NDUFB9: variants seen among roughly 807,000 people sequenced by gnomAD.
NDUFB9 encodes NADH dehydrogenase [ubiquinone] 1 beta subcomplex subunit 9.
A neutral mutation model predicts 30.2 loss-of-function variants in NDUFB9; 24 were observed. That is an observed-to-expected ratio of 0.80 (90% CI 0.58 to 1.12). The LOEUF (loss-of-function observed/expected upper bound fraction) is 1.12. Among genes scored for constraint, NDUFB9 ranks in the 50% most tolerant of loss-of-function variants. The pLI, the probability that NDUFB9 is intolerant of heterozygous loss-of-function variation, is 0.00. For synonymous variants in NDUFB9, 80 were observed against 84.0 expected (o/e 0.95, Z 0.26); for missense variants, 204 against 226.0 (o/e 0.90, Z 0.62).
Position 124,543,067 on chromosome 8 carries a change from C to CA in NDUFB9, c.102-16dup. On this transcript the variant is annotated intron_variant, in intron 1 of 3. Transcript: ENST00000276689. ...GTGAGTAGGTAACATTTCTAATCTT[C>CA]AAAATCATTTTGGTTTAAGAGACAA... The CA allele has an allele frequency of 6.2e-7, 1 of 1,612,470 alleles. No homozygotes were observed.
rs1176273075 is a variant in NDUFB9, at chr8:124,542,802, CTTTTCTTT to C, written c.102-280_102-273del. 2.9e-3 allele frequency: 1,022 copies of C among 350,520 alleles called. 3 individuals are homozygous for C. The highest frequency in any genetic ancestry group is 0.029 in the African/African-American group (978 of 34,166). 21.7% of individuals were successfully genotyped at this position (350,520 alleles called of 1,614,324 possible). ...TTATAGCTTTTCTCTTGCGAATGCT[CTTTTCTTT>C]TTTTTTTTTTTTTTTTTTGTTTAAA... On this transcript the variant is annotated intron_variant, in intron 1 of 3. Transcript: ENST00000276689.
chr8:124,546,953 G>A lies in NDUFB9; in HGVS notation c.295-47G>A, dbSNP rs368614157. Reference sequence around the variant, plus strand: ...TCCTGAGCAGGCCCTGTCAGGGATAGGTAAATGTGTCCTGTGGATTGATAC... The same window carrying A: ...TCCTGAGCAGGCCCTGTCAGGGATAAGTAAATGTGTCCTGTGGATTGATAC... On this transcript the variant is annotated intron_variant, in intron 2 of 3. Coordinates refer to ENST00000276689, the MANE Select transcript of NDUFB9 (RefSeq NM_005005.3). The A allele has an allele frequency of 5.9e-5, 80 of 1,360,824 alleles. No homozygotes were observed. The African/African-American group carries it at 9.9e-4, about 17-fold the overall frequency. The allele number at this position is 1,360,824 out of a possible 1,614,324, so 84.3% of individuals were successfully genotyped here.
intron 2 of NDUFB9, chr8:124,546,700 A>G (rs952967278): frequency 2.2e-6 from 1 of 449,100 alleles, no homozygotes; most frequent in Non-Finnish European, 4.0e-6. Flanking sequence ...TAAGAGTTCC[A>G]AGTAAGATAA....
intron 1 of NDUFB9, among the ~76,000 whole-genome samples, chr8:124,539,619 C>T (rs1010622131): frequency 6.6e-6 from 1 of 152,186 alleles, no homozygotes; most frequent in Non-Finnish European, 1.5e-5. Flanking sequence ...CTCGCTCAAT[C>T]GTTTTCTTCA....
At chr8:124,549,628 C>T (rs1822284245) in intron 3 of NDUFB9, 133 bp from the exon 4 acceptor site, 1 of 845,740 alleles carries the variant, frequency 1.2e-6, no homozygotes, top group Non-Finnish European at 2.0e-6. Flanking sequence ...AAACACTTTT[C>T]AATATTGTGA....
At chr8:124,541,170 AAAT>A (rs1821969434) in intron 1 of NDUFB9, among the ~76,000 whole-genome samples, 1 of 152,144 alleles carries the variant, frequency 6.6e-6, no homozygotes, top group East Asian at 1.9e-4. Flanking sequence ...TTGTCTCAAA[AAAT>A]AATAATAAAA....
chr8:124,541,593 A>C (rs1349456622), intron 1 of NDUFB9, among the ~76,000 whole-genome samples: 1 of 152,116 alleles, frequency 6.6e-6, no homozygotes, highest in Non-Finnish European at 1.5e-5. Flanking sequence ...CCCGTGGCCT[A>C]GAAGACTTTT....
Position 124,549,976 on chromosome 8 carries a change from G to A in NDUFB9, c.*84G>A, listed in dbSNP as rs1822305547. ...TGCCCTAATAAAAAATCAGTGAAATGGTCTCTGGTATGACTGACGTTCTTC... is the reference window on the plus strand; with the variant it reads ...TGCCCTAATAAAAAATCAGTGAAATAGTCTCTGGTATGACTGACGTTCTTC... On this transcript the variant is annotated 3_prime_UTR_variant, in exon 4 of 4. Transcript: ENST00000276689. 1 of 1,602,152 alleles carries A rather than the reference G, an allele frequency of 6.2e-7. No homozygotes were observed. Among genetic ancestry groups the A allele is most frequent in the South Asian group, 1.1e-5 (1 of 89,276 alleles).
Position 124,547,078 on chromosome 8 carries a change from T to C in NDUFB9, c.373T>C (p.Trp125Arg), listed in dbSNP as rs774058277. Residue 125 changes from tryptophan (W) to arginine (R), a missense_variant, in exon 3 of 4, where the codon TGG (tryptophan) becomes CGG (arginine). Physicochemically the swap from Trp to Arg is moderately radical, Grantham distance 101. Coordinates refer to ENST00000276689, the MANE Select transcript of NDUFB9 (RefSeq NM_005005.3). ...TGATTACTTTGCCAAGAGAGAACAG[T>C]GGAAGAAACTGCGGAGGGAAAGCTG... ...YPDYFAKREQ[W>R]KKLRRESWER... 3.1e-6 allele frequency: 5 copies of C among 1,613,690 alleles called. No homozygotes were observed. Among genetic ancestry groups the C allele is most frequent in the African/African-American group, 2.7e-5 (2 of 74,886 alleles).
chr8:124,540,234 G>A (rs1302211746), intron 1 of NDUFB9, among the ~76,000 whole-genome samples: 1 of 152,226 alleles, frequency 6.6e-6, no homozygotes, highest in African/African-American at 2.4e-5. Flanking sequence ...AGTACAATGT[G>A]ATGGGATTGT....
chr8:124,546,898 A>G (rs1302743331), intron 2 of NDUFB9, 102 bp from the exon 3 acceptor site: 4 of 854,194 alleles, frequency 4.7e-6, no homozygotes, highest in Non-Finnish European at 8.1e-6. Context: ...CAGTGGTTAT[A>G]AAAATATATC....
At chr8:124,543,420 T>A in intron 2 of NDUFB9, 141 bp downstream of exon 2, 1 of 821,834 alleles carries the variant, frequency 1.2e-6, no homozygotes, top group Non-Finnish European at 1.9e-6. Context: ...CAGGCCTACC[T>A]CATTTTATTG....
chr8:124,544,298 T>C (rs766121745), intron 2 of NDUFB9, among the ~76,000 whole-genome samples: 34 of 152,218 alleles, frequency 2.2e-4, no homozygotes, highest in Non-Finnish European at 4.4e-4. Context: ...GCCATCTCTG[T>C]AACACAGATG....
Position 124,539,184 on chromosome 8 carries a change from G to C in NDUFB9, c.-3G>C. On this transcript the variant is annotated 5_prime_UTR_variant, in exon 1 of 4. Transcript: ENST00000276689. ...CGCGCGGCCGGGGAAGGTCAGCGCC[G>C]TAATGGCGTTCTTGGCGTCGGGACC... is the stretch of plus-strand genomic sequence containing the variant. 6.8e-6 allele frequency: 11 copies of C among 1,614,216 alleles called. No homozygotes were observed. In the Admixed American group the frequency reaches 8.3e-5, roughly 12 times the overall value.
At chr8:124,548,906 G>T (rs1342875542) in intron 3 of NDUFB9, among the ~76,000 whole-genome samples, 1 of 152,184 alleles carries the variant, frequency 6.6e-6, no homozygotes, top group African/African-American at 2.4e-5. Context: ...AAGTTGTGCT[G>T]GTTCTGGTGA....
intron 3 of NDUFB9, among the ~76,000 whole-genome samples, chr8:124,548,125 GAA>G (rs1822211432): frequency 6.6e-6 from 1 of 152,182 alleles, no homozygotes; most frequent in South Asian, 2.1e-4. Context: ...TTGGAAGTGT[GAA>G]GTTTTGAGAA....
At position 124,539,326 on chromosome 8, in the gene NDUFB9, C is replaced by T. The variant is rs7010411; in HGVS notation, c.101+39C>T. 0.28 allele frequency: 441,904 copies of T among 1,605,236 alleles called. 63,743 individuals carry two copies. The highest frequency in any genetic ancestry group is 0.43 in the South Asian group (39,178 of 90,872). Reference sequence around the variant, plus strand: ...ACCCAGGACTCGGGGAGGTGACCCTCGGGGCCCCATGGAGGTGGAGAGGCC... The same window carrying T: ...ACCCAGGACTCGGGGAGGTGACCCTTGGGGCCCCATGGAGGTGGAGAGGCC... On this transcript the variant is annotated intron_variant, in intron 1 of 3. Coordinates refer to ENST00000276689, the MANE Select transcript of NDUFB9 (RefSeq NM_005005.3).
In NDUFB9 at chr8:124,549,770, C is replaced by T; in HGVS notation, c.418C>T (p.Leu140=). Residue 140 remains leucine (L), a synonymous_variant, in exon 4 of 4, where the codon CTG becomes TTG. Transcript: ENST00000276689. ...CCTTGCCTCCTTCTAGGTTAAGCAG[C>T]TGCAGGAGGAAACGCCACCTGGTGG... ...RESWEREVKQ[L]QEETPPGGPL... 6.2e-7 allele frequency: 1 copy of T among 1,614,138 alleles called. No homozygotes were observed. The highest frequency in any genetic ancestry group is 1.1e-5 in the South Asian group (1 of 91,086).
chr8:124,549,053 C>G (rs1185652621), intron 3 of NDUFB9, among the ~76,000 whole-genome samples: 2 of 152,226 alleles, frequency 1.3e-5, no homozygotes, highest in African/African-American at 4.8e-5. Flanking sequence ...TGGTGAGCCG[C>G]AGGTGCATTC....
Sources: gnomAD v4.1 joint callset for allele counts (sites outside exome capture counted in the v4.1 genomes callset) on GRCh38, gnomAD v4.1.1 for gene constraint, MANE v1.5 for transcripts, NCBI Gene and HGNC (gene_info 2026-07-23, HGNC 2026-07-21) for gene names.